Variants in MALRD1 observed in about 807,000 individuals in gnomAD.
MALRD1 encodes MAM and LDL receptor class A domain containing 1.
In MALRD1, 247 loss-of-function variants were observed where a neutral mutation model predicts 242.1. The ratio of observed to expected loss-of-function variants is 1.02; its 90% CI spans 0.92 to 1.13. The LOEUF (loss-of-function observed/expected upper bound fraction) is 1.13, where lower values mean the gene tolerates loss of function less well. Among genes scored for constraint, MALRD1 ranks in the 50% most tolerant of loss-of-function variants. The pLI is 0.00. For synonymous variants in MALRD1, 995 were observed against 866.6 expected, an observed-to-expected ratio of 1.15 and a Z score of -2.60; for missense variants, 2,989 against 2,533.1, an observed-to-expected ratio of 1.18 and a Z score of -3.86.
At chr10:19,342,417 C>T (rs1012887160) in intron 24 of MALRD1, among the ~76,000 whole-genome samples, 4 of 152,006 alleles carry the variant, frequency 2.6e-5, no homozygotes, top group Admixed American at 6.6e-5. Flanking sequence ...AGAAGTGGCC[C>T]TAGAGCAAAA....
At chr10:19,588,934 C>T (rs544931381) in intron 33 of MALRD1, among the ~76,000 whole-genome samples, 19 of 152,308 alleles carry the variant, frequency 1.2e-4, no homozygotes, top group African/African-American at 2.6e-4. Flanking sequence ...TGAGCCACCG[C>T]GCCCAGTCTA....
At chr10:19,627,318 AAAAT>A (rs1839695961) in intron 36 of MALRD1, among the ~76,000 whole-genome samples, 1 of 152,144 alleles carries the variant, frequency 6.6e-6, no homozygotes, top group Admixed American at 6.6e-5. Context: ...AAGCAGCTGT[AAAAT>A]AAAAGATAAA....
intron 5 of MALRD1, among the ~76,000 whole-genome samples, chr10:19,120,017 G>T: frequency 6.6e-6 from 1 of 152,150 alleles, no homozygotes; most frequent in East Asian, 1.9e-4. Context: ...GCAGGATACT[G>T]CTGGAGTGTA....
chr10:19,465,489 ACT>A (rs747629456), intron 29 of MALRD1, among the ~76,000 whole-genome samples: 88 of 151,716 alleles, frequency 5.8e-4, no homozygotes, highest in Non-Finnish European at 8.7e-4. Context: ...TTCTTCACAT[ACT>A]CTCTGTTGAG....
At chr10:19,406,330 C>T (rs77696737) in intron 28 of MALRD1, among the ~76,000 whole-genome samples, 4 of 152,136 alleles carry the variant, frequency 2.6e-5, no homozygotes, top group South Asian at 2.1e-4. Context: ...TAAAACTGTG[C>T]GATCTATTAC....
intron 2 of MALRD1, among the ~76,000 whole-genome samples, chr10:19,084,622 G>A (rs1023327315): frequency 5.3e-5 from 8 of 152,000 alleles, no homozygotes; most frequent in African/African-American, 1.4e-4. Flanking sequence ...AAGTGAGACC[G>A]AAAATTCTAC....
intron 32 of MALRD1, among the ~76,000 whole-genome samples, chr10:19,553,127 T>C (rs929397650): frequency 1.3e-5 from 2 of 152,116 alleles, no homozygotes; most frequent in Admixed American, 1.3e-4. Context: ...GTTCACCTTA[T>C]TCCATATAAT....
At chr10:19,615,748 G>A (rs1839124287) in intron 35 of MALRD1, 109 bp from the exon 36 acceptor site, 2 of 910,846 alleles carry the variant, frequency 2.2e-6, no homozygotes, top group Non-Finnish European at 1.6e-6. Flanking sequence ...AACTGGAAAG[G>A]AATTTACTCT....
At chr10:19,417,643 T>C (rs565931586) in intron 28 of MALRD1, among the ~76,000 whole-genome samples, 1 of 152,286 alleles carries the variant, frequency 6.6e-6, no homozygotes, top group South Asian at 2.1e-4. Flanking sequence ...AAGCTATATC[T>C]TAAGTCAGCG....
rs1283039177 is a variant in MALRD1 at position 19,463,399 on chromosome 10, TGCATCCTC to T, written c.5029+12910_5029+12917del. On this transcript the variant is annotated intron_variant, in intron 29 of 39. Coordinates refer to ENST00000454679, the MANE Select transcript of MALRD1 (RefSeq NM_001142308.3). ...GATACAATGCATCCTCTGCATCCTC[TGCATCCTC>T]ATAGCTTAGCTCCCACTTACGAGTA... Among the ~76,000 whole-genome samples, 24 of 105,278 alleles carry T rather than the reference TGCATCCTC, an allele frequency of 2.3e-4. 1 individual carries two copies. In the Admixed American group the frequency reaches 2.3e-3, roughly 10 times the overall value. The allele number at this position is 105,278 out of a possible 152,430, so 69.1% of individuals were successfully genotyped here.
At chr10:19,273,409 A>G (rs1373287651) in intron 19 of MALRD1, among the ~76,000 whole-genome samples, 2 of 152,236 alleles carry the variant, frequency 1.3e-5, no homozygotes, top group Non-Finnish European at 2.9e-5. Flanking sequence ...AAATGAGTAT[A>G]TTCACACAAA....
intron 36 of MALRD1, among the ~76,000 whole-genome samples, chr10:19,690,054 C>G (rs1483931920): frequency 1.3e-5 from 2 of 151,924 alleles, no homozygotes; most frequent in Non-Finnish European, 2.9e-5. Context: ...GGCTGATACA[C>G]AAGAAAAACT....
chr10:19,260,488 T>A (rs1472616993), intron 19 of MALRD1, among the ~76,000 whole-genome samples: 2 of 152,198 alleles, frequency 1.3e-5, no homozygotes, highest in Non-Finnish European at 2.9e-5. Flanking sequence ...TTACTGTGTC[T>A]GTTCATGTTC....
At chr10:19,690,062 A>C (rs1179166391) in intron 36 of MALRD1, among the ~76,000 whole-genome samples, 2 of 152,038 alleles carry the variant, frequency 1.3e-5, no homozygotes, top group Non-Finnish European at 1.5e-5. Flanking sequence ...CACAAGAAAA[A>C]CTGAAGTGGA....
chr10:19,535,551 A>C (rs1834636542), intron 32 of MALRD1, among the ~76,000 whole-genome samples: 1 of 150,512 alleles, frequency 6.6e-6, no homozygotes, highest in Non-Finnish European at 1.5e-5. Flanking sequence ...ACATATATAT[A>C]CACATATGTA....
intron 38 of MALRD1, among the ~76,000 whole-genome samples, chr10:19,729,852 T>A (rs1443221876): frequency 1.4e-5 from 2 of 138,218 alleles, no homozygotes; most frequent in Non-Finnish European, 3.1e-5. Context: ...TTCTCCTGCC[T>A]CAGCCTCCCA....
intron 38 of MALRD1, among the ~76,000 whole-genome samples, chr10:19,695,726 A>G (rs1024195951): frequency 2.6e-5 from 4 of 151,948 alleles, no homozygotes; most frequent in South Asian, 2.1e-4. Flanking sequence ...GGGTTTCACC[A>G]TCTTGACCAG....
intron 35 of MALRD1, 102 bp downstream of exon 35, chr10:19,608,004 T>G: frequency 7.2e-7 from 1 of 1,387,092 alleles, no homozygotes; most frequent in Non-Finnish European, 9.6e-7. Context: ...ATGGCAAGCA[T>G]GGAATAATTG....
chr10:19,319,295 T>C (rs1174611763), intron 21 of MALRD1, among the ~76,000 whole-genome samples: 1 of 152,174 alleles, frequency 6.6e-6, no homozygotes, highest in Non-Finnish European at 1.5e-5. Context: ...CTGGAATTTA[T>C]TATTTTCGAA....
Sources: allele counts gnomAD v4.1 joint callset (sites outside exome capture counted in the v4.1 genomes callset), GRCh38; gene constraint gnomAD v4.1.1; transcripts MANE v1.5; gene names NCBI Gene and HGNC (gene_info 2026-07-23, HGNC 2026-07-21).